Variants in PGM5 observed in about 807,000 individuals in gnomAD.
PGM5 encodes phosphoglucomutase-like protein 5.
In PGM5, 23 loss-of-function variants were observed where a neutral mutation model predicts 59.2. That is an observed-to-expected ratio of 0.39 (90% CI 0.28 to 0.55). PGM5 has a LOEUF of 0.55. PGM5 is among the 20% of genes least tolerant of loss of function. The pLI, the probability that PGM5 is intolerant of heterozygous loss-of-function variation, is 0.66. For synonymous variants in PGM5, 214 were observed against 286.0 expected, an observed-to-expected ratio of 0.75 and a Z score of 2.54; for missense variants, 574 against 748.3, an observed-to-expected ratio of 0.77 and a Z score of 2.72.
intron 7 of PGM5, among the ~76,000 whole-genome samples, chr9:68,478,076 T>TC (rs1448136698): frequency 1.3e-5 from 2 of 152,232 alleles, no homozygotes; most frequent in Non-Finnish European, 2.9e-5. Flanking sequence ...TCTAAAGCCT[T>TC]CCCCAGGATA....
At position 68,357,452 on chromosome 9, in the gene PGM5, C is replaced by T. The variant is rs1363878442; in HGVS notation, c.261+64C>T. The stretch of plus-strand genomic sequence containing the variant: ...CGCCATGCCCTCTCCTAGCCCTTGT[C>T]CCCCTGCTGCCTCCGGGCCCAGTTG... On this transcript the variant is annotated intron_variant, in intron 1 of 10. Transcript: ENST00000396396. The T allele has an allele frequency of 3.9e-6, 6 of 1,526,070 alleles. No individual in the cohort carries two copies. The East Asian group carries it at 9.9e-5, about 25-fold the overall frequency. 94.5% of individuals were successfully genotyped at this position (1,526,070 alleles called of 1,614,324 possible).
intron 7 of PGM5, among the ~76,000 whole-genome samples, chr9:68,468,659 T>C (rs1823974527): frequency 6.6e-6 from 1 of 152,206 alleles, no homozygotes; most frequent in Non-Finnish European, 1.5e-5. Flanking sequence ...TATCCTCATT[T>C]TCCCCCTCCC....
chr9:68,401,944 G>A (rs868977671), intron 6 of PGM5, among the ~76,000 whole-genome samples: 1,474 of 138,202 alleles, frequency 0.011, 1 homozygote, highest in African/African-American at 0.025. Context: ...TATTTGTCAA[G>A]GCTCATGAAA....
chr9:68,407,424 T>A (rs1277193318), intron 6 of PGM5, among the ~76,000 whole-genome samples: 26 of 152,204 alleles, frequency 1.7e-4, no homozygotes, highest in Admixed American at 1.7e-3. Context: ...TGAGCCACCA[T>A]GCCCAGCCCC....
Position 68,523,808 on chromosome 9 carries a change from A to C in PGM5, c.1615-5759A>C, listed in dbSNP as rs371934400. Among the ~76,000 whole-genome samples the C allele has an allele frequency of 5.4e-4, 82 of 152,286 alleles. 1 individual carries two copies. In the South Asian group the frequency reaches 0.012, roughly 23 times the overall value. ...CATTCCTCATAGAGACCAGCCCAGC[A>C]CTAGGTTCCCTCCACAGATTCTGAC... is the stretch of plus-strand genomic sequence containing the variant. On this transcript the variant is annotated intron_variant, in intron 10 of 10. Transcript: ENST00000396396.
chr9:68,519,354 A>G (rs1250458261), intron 10 of PGM5, among the ~76,000 whole-genome samples: 2 of 152,214 alleles, frequency 1.3e-5, no homozygotes, highest in Non-Finnish European at 2.9e-5. Flanking sequence ...ATTAAATTAT[A>G]CAACCACAGT....
At chr9:68,475,184 A>ATTTTTTTTTTT (rs782687667) in intron 7 of PGM5, among the ~76,000 whole-genome samples, 167 of 112,764 alleles carry the variant, frequency 1.5e-3, no homozygotes, top group African/African-American at 5.4e-3. Flanking sequence ...TGCCTGGCTA[A>ATTTTTTTTTTT]TTTTTTTTTT....
At chr9:68,451,391 G>C (rs940699404) in intron 6 of PGM5, among the ~76,000 whole-genome samples, 1 of 152,166 alleles carries the variant, frequency 6.6e-6, no homozygotes, top group African/African-American at 2.4e-5. Flanking sequence ...CAGAGTGTGC[G>C]TGAGCAATAT....
Position 68,479,512 on chromosome 9 carries a change from C to T in PGM5, c.1254C>T (p.Val418=), listed in dbSNP as rs782284984. ...AARKQSVEEI[V]RDHWAKFGRH... is the part of the protein sequence containing the mutation. The stretch of plus-strand genomic sequence containing the variant: ...GGAAGCAGAGTGTGGAGGAAATTGT[C>T]CGAGATCACTGGGCCAAATTTGGCC... Residue 418 remains valine, a synonymous_variant, in exon 8 of 11, where the codon GTC becomes GTT. Coordinates refer to ENST00000396396, the MANE Select transcript of PGM5 (RefSeq NM_021965.4). 6.2e-7 allele frequency: 1 copy of T among 1,613,960 alleles called. No homozygotes were observed. The highest frequency in any genetic ancestry group is 8.5e-7 in the Non-Finnish European group (1 of 1,179,990).
chr9:68,366,718 C>T (rs1282660170), intron 1 of PGM5, among the ~76,000 whole-genome samples: 1 of 152,074 alleles, frequency 6.6e-6, no homozygotes, highest in Non-Finnish European at 1.5e-5. Flanking sequence ...ATGGGGAAGT[C>T]GCCTAGCCTC....
intron 10 of PGM5, among the ~76,000 whole-genome samples, chr9:68,521,397 G>A (rs990180665): frequency 6.6e-6 from 1 of 152,208 alleles, no homozygotes; most frequent in South Asian, 2.1e-4. Context: ...TTTTGGAGAA[G>A]AAAGGGAGGA....
intron 6 of PGM5, among the ~76,000 whole-genome samples, chr9:68,442,037 C>T (rs1823536871): frequency 6.6e-6 from 1 of 151,996 alleles, no homozygotes; most frequent in African/African-American, 2.4e-5. Context: ...ATGCTGAAAA[C>T]TACAAAACAT....
chr9:68,513,442 G>A (rs1824781808), intron 10 of PGM5, among the ~76,000 whole-genome samples: 1 of 152,176 alleles, frequency 6.6e-6, no homozygotes, highest in East Asian at 1.9e-4. Context: ...GAAGAAAAGG[G>A]AAAAACGTTA....
chr9:68,378,027 G>C (rs1382565301), intron 1 of PGM5, among the ~76,000 whole-genome samples, 172 bp from the exon 2 acceptor site: 3 of 151,692 alleles, frequency 2.0e-5, no homozygotes, highest in Admixed American at 1.3e-4. Context: ...AGAGACATTA[G>C]ATAGGAGAGA....
intron 10 of PGM5, among the ~76,000 whole-genome samples, chr9:68,524,007 A>G (rs566117647): frequency 7.9e-5 from 12 of 151,756 alleles, no homozygotes; most frequent in African/African-American, 2.7e-4. Flanking sequence ...TTTTTAATGG[A>G]TCTAATTTAC....
At position 68,377,209 on chromosome 9, in the gene PGM5, A is replaced by C. The variant is rs146329587; in HGVS notation, c.262-990A>C. Among the ~76,000 whole-genome samples the C allele has an allele frequency of 3.0e-3, 459 of 152,202 alleles. 3 individuals carry two copies. Among genetic ancestry groups the C allele is most frequent in the African/African-American group, 0.01 (425 of 41,534 alleles). ...CCCAAAGTGCTGGGATTTCAGGTGGAGCCACCACGCCCAGCTGAGGTTCTG... is the reference window on the plus strand; with the variant it reads ...CCCAAAGTGCTGGGATTTCAGGTGGCGCCACCACGCCCAGCTGAGGTTCTG... On this transcript the variant is annotated intron_variant, in intron 1 of 10. Transcript: ENST00000396396.
chr9:68,422,395 A>C (rs1823146678), intron 6 of PGM5, among the ~76,000 whole-genome samples: 1 of 148,322 alleles, frequency 6.7e-6, no homozygotes, highest in Non-Finnish European at 1.5e-5. Context: ...TTGGTAACAA[A>C]ACTGACCCTC....
intron 6 of PGM5, among the ~76,000 whole-genome samples, chr9:68,448,385 A>G (rs1333476176): frequency 6.6e-6 from 1 of 152,108 alleles, no homozygotes; most frequent in South Asian, 2.1e-4. Flanking sequence ...GCCTCTCTTG[A>G]GACCCCTGCA....
intron 2 of PGM5, among the ~76,000 whole-genome samples, chr9:68,382,298 G>T (rs1375351022): frequency 2.6e-5 from 4 of 151,776 alleles, no homozygotes; most frequent in African/African-American, 9.6e-5. Flanking sequence ...AATAAATGGT[G>T]CCTGGGAAAA....
Sources: allele counts gnomAD v4.1 joint callset (sites outside exome capture counted in the v4.1 genomes callset), GRCh38; gene constraint gnomAD v4.1.1; transcripts MANE v1.5; gene names NCBI Gene and HGNC (gene_info 2026-07-23, HGNC 2026-07-21).